The following TMEM217B variants were observed in gnomAD, a reference collection of about 807,000 sequenced individuals.
TMEM217B encodes putative transmembrane protein 217B.
At chr6:37,227,256 T>C in the TMEM217B span, among the ~76,000 whole-genome samples, 2 of 152,234 alleles carry the variant, frequency 1.3e-5, no homozygotes, top group African/African-American at 4.8e-5. Context: ...TGGTCAGTGT[T>C]GGCAATTCTT....
chr6:37,213,784 G>A, the TMEM217B span, among the ~76,000 whole-genome samples: 2 of 152,216 alleles, frequency 1.3e-5, no homozygotes, highest in Non-Finnish European at 1.5e-5. Context: ...CAGCGCAAAC[G>A]TTCCTCCACA....
At chr6:37,225,812 A>C in the TMEM217B span, among the ~76,000 whole-genome samples, 1 of 152,218 alleles carries the variant, frequency 6.6e-6, no homozygotes, top group Non-Finnish European at 1.5e-5. Context: ...AACGGGATGC[A>C]AATGCAAGTG....
chr6:37,235,617 T>C, the TMEM217B span, among the ~76,000 whole-genome samples: 2 of 151,608 alleles, frequency 1.3e-5, no homozygotes, highest in Non-Finnish European at 2.9e-5. Context: ...CCGTCCACCT[T>C]GGCCTCCCAA....
At chr6:37,239,577 G>T in the TMEM217B span, among the ~76,000 whole-genome samples, 1 of 152,200 alleles carries the variant, frequency 6.6e-6, no homozygotes, top group East Asian at 1.9e-4. Context: ...TATTTCAGTG[G>T]TACCTAAGAT....
the TMEM217B span, among the ~76,000 whole-genome samples, chr6:37,246,652 C>T: frequency 0.018 from 2,672 of 152,176 alleles, 41 homozygotes; most frequent in Non-Finnish European, 0.025. Context: ...TCTGTAACCC[C>T]GGCACTTTGG....
chr6:37,229,221 C>A, the TMEM217B span, among the ~76,000 whole-genome samples: 13 of 151,284 alleles, frequency 8.6e-5, no homozygotes, highest in Non-Finnish European at 1.8e-4. Flanking sequence ...GATTTACTAA[C>A]AACTATTCAG....
the TMEM217B span, among the ~76,000 whole-genome samples, chr6:37,250,791 T>C: frequency 8.5e-5 from 13 of 152,406 alleles, no homozygotes; most frequent in East Asian, 2.5e-3. Flanking sequence ...CAACACATTC[T>C]GATCTTTTCT....
the TMEM217B span, among the ~76,000 whole-genome samples, chr6:37,248,293 G>T: frequency 1.3e-5 from 2 of 152,074 alleles, no homozygotes; most frequent in South Asian, 4.1e-4. Flanking sequence ...TTTAGTGCCA[G>T]GAATACAGTA....
At chr6:37,216,107 C>T in the TMEM217B span, among the ~76,000 whole-genome samples, 5 of 151,944 alleles carry the variant, frequency 3.3e-5, no homozygotes, top group Non-Finnish European at 5.9e-5. Context: ...GAGACAAAGT[C>T]TCACTCTGTT....
the TMEM217B span, among the ~76,000 whole-genome samples, chr6:37,252,001 C>T: frequency 6.6e-6 from 1 of 152,296 alleles, no homozygotes; most frequent in African/African-American, 2.4e-5. Flanking sequence ...TCAAGCAATT[C>T]TTCTGCCTCA....
At chr6:37,243,610 T>C in the TMEM217B span, among the ~76,000 whole-genome samples, 4 of 152,136 alleles carry the variant, frequency 2.6e-5, no homozygotes, top group African/African-American at 9.7e-5. Context: ...TTTTGTTTTG[T>C]TTTTTGAGAC....
the TMEM217B span, among the ~76,000 whole-genome samples, chr6:37,246,235 C>T: frequency 6.6e-6 from 1 of 152,210 alleles, no homozygotes; most frequent in African/African-American, 2.4e-5. Flanking sequence ...AATTCAGTGG[C>T]TTAAAACCAC....
At chr6:37,218,877 C>T in the TMEM217B span, 13 of 1,614,164 alleles carry the variant, frequency 8.1e-6, no homozygotes, top group African/African-American at 1.3e-5. Flanking sequence ...ATGTTACTTG[C>T]ACCCCTGTAC....
chr6:37,253,142 C>T, the TMEM217B span, among the ~76,000 whole-genome samples: 1 of 152,118 alleles, frequency 6.6e-6, no homozygotes, highest in East Asian at 1.9e-4. Context: ...ACATTTCATA[C>T]ACCTTTTTGA....
chr6:37,217,030 A>G, the TMEM217B span, among the ~76,000 whole-genome samples: 1 of 152,224 alleles, frequency 6.6e-6, no homozygotes. Flanking sequence ...TGGGTGACTC[A>G]CACCTGTACT....
the TMEM217B span, among the ~76,000 whole-genome samples, chr6:37,247,102 A>G: frequency 2.6e-5 from 4 of 152,304 alleles, no homozygotes; most frequent in East Asian, 7.7e-4. Flanking sequence ...TGAATGTCCC[A>G]TTGCCTAGAG....
chr6:37,239,743 G>A, the TMEM217B span, among the ~76,000 whole-genome samples: 1 of 151,916 alleles, frequency 6.6e-6, no homozygotes, highest in African/African-American at 2.4e-5. Flanking sequence ...CTGGGTTAGG[G>A]AGGAAAATAA....
chr6:37,212,448 G>T, the TMEM217B span: 4 of 438,926 alleles, frequency 9.1e-6, no homozygotes, highest in Non-Finnish European at 1.8e-5. Context: ...TTCCCAGACG[G>T]ACAGGTAGTC....
At chr6:37,239,347 G>T in the TMEM217B span, among the ~76,000 whole-genome samples, 1 of 151,808 alleles carries the variant, frequency 6.6e-6, no homozygotes, top group Non-Finnish European at 1.5e-5. Context: ...AAATTAGCTG[G>T]GCTTGGTGGC....
Sources: gnomAD v4.1 joint callset for allele counts (sites outside exome capture counted in the v4.1 genomes callset) on GRCh38, gnomAD v4.1.1 for gene constraint, MANE v1.5 for transcripts, NCBI Gene and HGNC (gene_info 2026-07-23, HGNC 2026-07-21) for gene names.